EHD2: variants seen among roughly 807,000 people sequenced by gnomAD.
EHD2 encodes the protein EH domain-containing protein 2.
EHD2 carries 27 observed loss-of-function variants against 41.0 expected under a neutral mutation model. The observed-to-expected ratio is 0.66, with a 90% CI of 0.49 to 0.91. The LOEUF (loss-of-function observed/expected upper bound fraction) is 0.91. EHD2 is among the 40% of genes least tolerant of loss of function. The probability of loss-of-function intolerance (pLI) is 0.00; values close to 1 mark genes in which losing one functional copy is unlikely to be tolerated. For synonymous variants in EHD2, 342 were observed against 341.0 expected (o/e 1.00, Z -0.03); for missense variants, 673 against 773.9 (o/e 0.87, Z 1.55).
chr19:47,737,002 C>A (rs1007302726), intron 5 of EHD2, among the ~76,000 whole-genome samples: 3 of 151,976 alleles, frequency 2.0e-5, no homozygotes, highest in Non-Finnish European at 4.4e-5. Flanking sequence ...GAGGCCGAGG[C>A]GGGCGGATCA....
intron 4 of EHD2, among the ~76,000 whole-genome samples, chr19:47,733,751 C>CAAAAAAAAAAAAAAAAAAAAAAAAAAAA (rs34254815): frequency 8.8e-5 from 5 of 57,116 alleles, no homozygotes; most frequent in Non-Finnish European, 1.3e-4. Context: ...GACTCTGTCT[C>CAAAAAAAAAAAAAAAAAAAAAAAAAAAA]AAAAAAAAAA....
rs1973594552 is a variant in EHD2 at position 47,713,474 on chromosome 19, T to G, written c.-120T>G. The G allele has an allele frequency of 6.6e-6, 1 of 152,198 alleles. No individual in the cohort carries two copies. Among genetic ancestry groups the G allele is most frequent in the East Asian group, 1.9e-4 (1 of 5,162 alleles). The allele number at this position is 152,198 out of a possible 1,614,324, so 9.4% of individuals were successfully genotyped here. ...CAGGCCGCTCCGCGGGCGCTTCGGA[T>G]CCTCGCGGGACCCCACCCTCTCCCA... On this transcript the variant is annotated 5_prime_UTR_variant, in exon 1 of 6. Coordinates refer to ENST00000263277, the MANE Select transcript of EHD2 (RefSeq NM_014601.4).
At chr19:47,729,405 C>T (rs1014949120) in intron 4 of EHD2, among the ~76,000 whole-genome samples, 1 of 152,124 alleles carries the variant, frequency 6.6e-6, no homozygotes, top group African/African-American at 2.4e-5. Flanking sequence ...TAATTAGACT[C>T]AAGCTACCTT....
At chr19:47,736,740 TAGAG>T (rs936115157) in intron 5 of EHD2, among the ~76,000 whole-genome samples, 3 of 152,114 alleles carry the variant, frequency 2.0e-5, no homozygotes, top group African/African-American at 7.2e-5. Context: ...TAAATTAAGA[TAGAG>T]AGTTTTTCTT....
intron 2 of EHD2, among the ~76,000 whole-genome samples, 188 bp downstream of exon 2, chr19:47,717,204 C>T (rs1356020088): frequency 2.0e-5 from 3 of 152,126 alleles, no homozygotes; most frequent in African/African-American, 7.2e-5. Context: ...CCCACCACCA[C>T]GCCAAGCGAG....
intron 5 of EHD2, among the ~76,000 whole-genome samples, chr19:47,737,243 A>G (rs1966934305): frequency 6.6e-6 from 1 of 151,720 alleles, no homozygotes. Flanking sequence ...AAAAAAAAAA[A>G]AAAAAGAAAA....
In EHD2 at chr19:47,715,038, C is replaced by CAAATAAATAAATAAAT. The variant is rs60976490; in HGVS notation, c.-55-1492_-55-1477dup. On this transcript the variant is annotated intron_variant, in intron 1 of 5. Transcript: ENST00000263277. ...GGGCTACAGAGTGAGACTCCATCTC[C>CAAATAAATAAATAAAT]AAATAAATAAATAAATAAATAAATA... Among the ~76,000 whole-genome samples the CAAATAAATAAATAAAT allele has an allele frequency of 1.3e-3, 181 of 138,936 alleles. 1 individual carries two copies. The highest frequency in any genetic ancestry group is 4.6e-3 in the Admixed American group (62 of 13,358). 91.1% of individuals were successfully genotyped at this position (138,936 alleles called of 152,430 possible). A position where few individuals can be genotyped will look rare whatever the true frequency, so the allele number is the denominator to read the frequency against.
intron 4 of EHD2, among the ~76,000 whole-genome samples, chr19:47,736,155 T>A (rs1296010219): frequency 6.6e-6 from 1 of 151,126 alleles, no homozygotes; most frequent in Non-Finnish European, 1.5e-5. Flanking sequence ...GAGATTGTGC[T>A]ACTGCACTCC....
In EHD2 at chr19:47,741,101, G is replaced by GCGAGGAGGGCTCGGACGA; in HGVS notation, c.1307_1324dup (p.Glu436_Glu441dup). The GCGAGGAGGGCTCGGACGA allele has an allele frequency of 6.2e-7, 1 of 1,610,266 alleles. No individual in the cohort carries two copies. The highest frequency in any genetic ancestry group is 2.2e-5 in the East Asian group (1 of 44,864). ...GGACCTGACGAGGCCATGGAGGACG[G>GCGAGGAGGGCTCGGACGA]CGAGGAGGGCTCGGACGACGAGGCC... On this transcript the variant is annotated inframe_insertion, in exon 6 of 6. Transcript: ENST00000263277. This position sits in a 1 kb window ranked among gnomAD's most constrained non-coding sequence, Gnocchi z 4.5.
At chr19:47,738,257 G>C (rs1396069902) in intron 5 of EHD2, among the ~76,000 whole-genome samples, 1 of 152,058 alleles carries the variant, frequency 6.6e-6, no homozygotes, top group African/African-American at 2.4e-5. Context: ...GCACTGTCCA[G>C]TATGGTAGCC....
chr19:47,736,327 G>A, intron 4 of EHD2, 42 bp from the exon 5 acceptor site: 3 of 1,569,726 alleles, frequency 1.9e-6, no homozygotes, highest in Admixed American at 1.9e-5. Flanking sequence ...CAAGCTCCCT[G>A]GTGGACCCTG....
chr19:47,737,558 G>A (rs1369819761), intron 5 of EHD2, among the ~76,000 whole-genome samples: 1 of 151,774 alleles, frequency 6.6e-6, no homozygotes, highest in African/African-American at 2.4e-5. Flanking sequence ...TGGGGAGGCC[G>A]AGGCAGGAGA....
At chr19:47,723,621 A>C (rs1314738837) in intron 3 of EHD2, among the ~76,000 whole-genome samples, 1 of 135,318 alleles carries the variant, frequency 7.4e-6, no homozygotes, top group Non-Finnish European at 1.5e-5. Context: ...GCGCCACTGC[A>C]CTCCAACCTG....
chr19:47,714,967 G>T (rs1465634911), intron 1 of EHD2, among the ~76,000 whole-genome samples: 2 of 151,900 alleles, frequency 1.3e-5, no homozygotes, highest in Non-Finnish European at 2.9e-5. Context: ...GAGCCCCAGA[G>T]GTGAAGGCTG....
intron 4 of EHD2, among the ~76,000 whole-genome samples, chr19:47,726,547 T>C (rs62130742): frequency 2.5e-3 from 169 of 67,946 alleles, no homozygotes; most frequent in African/African-American, 6.4e-3. Context: ...CCTCCTCCTC[T>C]TCTTCTCCCT....
intron 4 of EHD2, among the ~76,000 whole-genome samples, chr19:47,728,095 C>A (rs1180734070): frequency 1.2e-3 from 148 of 124,680 alleles, no homozygotes; most frequent in African/African-American, 1.6e-3. Flanking sequence ...GACTCTGTCT[C>A]AAAATAAAAA....
Position 47,725,914 on chromosome 19 carries a change from A to G in EHD2, c.605A>G (p.Glu202Gly), listed in dbSNP as rs1265888746. 1 of 1,613,976 alleles carries G rather than the reference A, an allele frequency of 6.2e-7. No individual in the cohort carries two copies. The highest frequency in any genetic ancestry group is 1.7e-5 in the Admixed American group (1 of 60,028). ...CTGGAGATCTCGGACGAGTTCTCAG[A>G]GGCCATCGGCGCGTTGCGGGGCCAT... Reference protein sequence around the residue: ...HKLEISDEFSEAIGALRGHED... With the variant: ...HKLEISDEFSGAIGALRGHED... The change falls in exon 4 of 6, where the codon GAG (glutamate) becomes GGG (glycine). Residue 202 changes from glutamate to glycine, a missense_variant. Transcript: ENST00000263277.
At position 47,735,488 on chromosome 19, in the gene EHD2, C is replaced by T. The variant is rs532317107; in HGVS notation, c.916-881C>T. Among the ~76,000 whole-genome samples, 5 of 152,158 alleles carry T rather than the reference C, an allele frequency of 3.3e-5. No individual in the cohort carries two copies. The South Asian group carries it at 8.3e-4, about 25-fold the overall frequency. On this transcript the variant is annotated intron_variant, in intron 4 of 5. Transcript: ENST00000263277. ...TGGCTCTTGCCTGTAATCCCAGCTA[C>T]TTGAGAGGCTGAGGCGGGAGGATCC...
At chr19:47,722,051 C>G in intron 3 of EHD2, among the ~76,000 whole-genome samples, 1 of 133,904 alleles carries the variant, frequency 7.5e-6, no homozygotes, top group African/African-American at 3.0e-5. Flanking sequence ...CACACACACA[C>G]ACACACTGGG....
Sources: gnomAD v4.1 joint callset for allele counts (sites outside exome capture counted in the v4.1 genomes callset) on GRCh38, gnomAD v4.1.1 for gene constraint, Gnocchi (gnomAD v3.1) non-coding constraint, MANE v1.5 for transcripts, NCBI Gene and HGNC (gene_info 2026-07-23, HGNC 2026-07-21) for gene names.